The following NPHS2 variants were observed in gnomAD, a reference collection of about 807,000 sequenced individuals.
NPHS2 encodes the protein NPHS2 stomatin family member, podocin.
In NPHS2, 36 loss-of-function variants were observed where a neutral mutation model predicts 37.1. The ratio of observed to expected loss-of-function variants is 0.97; its 90% confidence interval spans 0.74 to 1.28. NPHS2 has a LOEUF of 1.28. Ranked by LOEUF, NPHS2 falls within the 50% of genes most tolerant of loss-of-function variation. The probability of loss-of-function intolerance (pLI) is 0.00; values close to 1 mark genes in which losing one functional copy is unlikely to be tolerated. For synonymous variants in NPHS2, 196 were observed against 189.3 expected (o/e 1.04, Z -0.29); for missense variants, 447 against 488.1 (o/e 0.92, Z 0.79).
rs74315344 is a variant in NPHS2, at chr1:179,575,806, G to A, written c.59C>T (p.Pro20Leu). The change falls in exon 1 of 8, where the codon CCG (proline) becomes CTG (leucine). Residue 20 changes from proline to leucine, a missense_variant. By Grantham distance (98) the Pro-to-Leu change is moderately conservative. Transcript: ENST00000367615. The part of the protein sequence containing the change: ...RESRGRGGRT[P>L]HKENKRAKAE... ...CTTTGCCCTCTTGTTCTCCTTGTGCGGAGTCCTGCCGCCTCGCCCGCGGGA... is the reference window on the plus strand; with the variant it reads ...CTTTGCCCTCTTGTTCTCCTTGTGCAGAGTCCTGCCGCCTCGCCCGCGGGA... 2,707 of 1,477,634 alleles carry A rather than the reference G, an allele frequency of 1.8e-3. 8 individuals carry two copies. Among genetic ancestry groups the A allele is most frequent in the Middle Eastern group, 0.01 (57 of 5,542 alleles). The allele number at this position is 1,477,634 out of a possible 1,614,324, so 91.5% of individuals were successfully genotyped here.
At chr1:179,572,136 C>G (rs1296928373) in intron 1 of NPHS2, among the ~76,000 whole-genome samples, 3 of 152,222 alleles carry the variant, frequency 2.0e-5, no homozygotes, top group Non-Finnish European at 2.9e-5. Context: ...CAGAAATCAC[C>G]TGTCTTCTGT....
At chr1:179,575,453 C>G (rs78169951) in intron 1 of NPHS2, 138 bp downstream of exon 1, 2 of 1,205,462 alleles carry the variant, frequency 1.7e-6, no homozygotes, top group East Asian at 5.0e-5. Context: ...AACTTACGCC[C>G]TTCCGTTCCT....
chr1:179,567,645 G>A (rs936308358), intron 1 of NPHS2, among the ~76,000 whole-genome samples: 1 of 152,186 alleles, frequency 6.6e-6, no homozygotes, highest in African/African-American at 2.4e-5. Context: ...TCTTGTGCTG[G>A]TTTTCAAAGG....
rs1363776277 is a variant in NPHS2 at position 179,575,666 on chromosome 1, C to T, written c.199G>A (p.Val67Met). 3.7e-6 allele frequency: 6 copies of T among 1,602,752 alleles called. No individual in the cohort carries two copies. Among genetic ancestry groups the T allele is most frequent in the African/African-American group, 1.3e-5 (1 of 74,918 alleles). The change falls in exon 1 of 8, where the codon GTG (valine) becomes ATG (methionine). Residue 67 changes from valine to methionine, a missense_variant. By Grantham distance (21) the Val-to-Met change is conservative (BLOSUM62 1). Transcript: ENST00000367615. ...PRAPAATVVD[V>M]DEVRGSGEEG... ...TCGCCGGAGCCTCGGACCTCATCCACGTCCACCACCGTGGCGGCGGGCGCT... is the reference window on the plus strand; with the variant it reads ...TCGCCGGAGCCTCGGACCTCATCCATGTCCACCACCGTGGCGGCGGGCGCT...
rs1553312159 is a variant in NPHS2, at chr1:179,551,190, CTTTCTT to C, written c.1129_1134del (p.Lys377_Lys378del). Reference sequence around the variant, plus strand: ...CATCCTTCCTATAACATGGGAGAGTCTTTCTTTTTAGGATTTAGTGGCTCAACAGGT... The same window carrying C: ...CATCCTTCCTATAACATGGGAGAGTCTTTAGGATTTAGTGGCTCAACAGGT... On this transcript the variant is annotated inframe_deletion, in exon 8 of 8. Transcript: ENST00000367615. 2.5e-6 allele frequency: 4 copies of C among 1,614,026 alleles called. No individual in the cohort carries two copies. The highest frequency in any genetic ancestry group is 2.2e-5 in the South Asian group (2 of 91,072).
Position 179,552,625 on chromosome 1 carries a change from G to T in NPHS2, c.851C>A (p.Ala284Glu). 1 of 1,613,738 alleles carries T rather than the reference G, an allele frequency of 6.2e-7. No individual in the cohort carries two copies. Among genetic ancestry groups the T allele is most frequent in the Non-Finnish European group, 8.5e-7 (1 of 1,179,892 alleles). ...CACCCGCACTTTGGCTTGTCTTTGC[G>T]CTTCAGCCTCCACAGCCAGTGAGTG... ...LQHSLAVEAE[A>E]QRQAKVRMIA... The change falls in exon 7 of 8, where the codon GCG (alanine) becomes GAG (glutamate). Residue 284 changes from alanine (A) to glutamate (E), a missense_variant. Physicochemically the swap from Ala to Glu is moderately radical, Grantham distance 107. Coordinates refer to ENST00000367615, the MANE Select transcript of NPHS2 (RefSeq NM_014625.4).
intron 6 of NPHS2, 73 bp from the exon 7 acceptor site, chr1:179,552,754 C>T (rs752112834): frequency 1.2e-5 from 14 of 1,160,244 alleles, no homozygotes; most frequent in Non-Finnish European, 1.8e-5. Context: ...CACAGACTTG[C>T]AAGCCTCTCT....
At chr1:179,564,444 C>CA (rs1407665667) in intron 2 of NPHS2, among the ~76,000 whole-genome samples, 3 of 152,116 alleles carry the variant, frequency 2.0e-5, no homozygotes, top group Non-Finnish European at 4.4e-5. Flanking sequence ...AGTGTTAGAA[C>CA]AAAGTGAAAG....
chr1:179,564,416 AAT>A (rs1458945678), intron 2 of NPHS2, among the ~76,000 whole-genome samples: 39 of 152,210 alleles, frequency 2.6e-4, no homozygotes, highest in South Asian at 1.9e-3. Flanking sequence ...AGACATAGCC[AAT>A]ATAATACACA....
At chr1:179,569,668 A>T (rs539607730) in intron 1 of NPHS2, among the ~76,000 whole-genome samples, 1 of 152,296 alleles carries the variant, frequency 6.6e-6, no homozygotes, top group African/African-American at 2.4e-5. Flanking sequence ...ATGTTTTTGC[A>T]GTGGCTGGTA....
chr1:179,573,831 A>C (rs1347896910), intron 1 of NPHS2, among the ~76,000 whole-genome samples: 1 of 152,176 alleles, frequency 6.6e-6, no homozygotes, highest in East Asian at 1.9e-4. Context: ...GTGAAGATTT[A>C]CCCCCAAAAT....
intron 7 of NPHS2, chr1:179,552,095 A>C (rs1572259458): frequency 5.9e-6 from 1 of 170,148 alleles, no homozygotes; most frequent in Non-Finnish European, 1.3e-5. Flanking sequence ...CACCTCAGTT[A>C]CCAGAAGCTG....
In NPHS2 at chr1:179,557,217, T is replaced by C. The variant is rs1673967924; in HGVS notation, c.548A>G (p.Asp183Gly). Residue 183 changes from aspartate (D) to glycine (G), a missense_variant, in exon 5 of 8, where the codon GAC (aspartate) becomes GGC (glycine). Transcript: ENST00000367615. ...GGCATCTATCTCCATTATAAACATG[T>C]CTTTGGTCACGATCTAGGCAGAAAA... The part of the protein sequence containing the change: ...EIPFHEIVTK[D>G]MFIMEIDAIC... 6 of 1,613,980 alleles carry C rather than the reference T, an allele frequency of 3.7e-6. No individual in the cohort carries two copies. Among genetic ancestry groups the C allele is most frequent in the South Asian group, 1.1e-5 (1 of 91,080 alleles).
At chr1:179,565,242 C>A (rs1448904007) in intron 1 of NPHS2, among the ~76,000 whole-genome samples, 3 of 152,128 alleles carry the variant, frequency 2.0e-5, no homozygotes, top group Non-Finnish European at 2.9e-5. Flanking sequence ...CCACTGTACT[C>A]CAGCCTGGGT....
In NPHS2 at chr1:179,556,348, T is replaced by G. The variant is rs1215941969; in HGVS notation, c.738+679A>C. On this transcript the variant is annotated intron_variant, in intron 5 of 7. Coordinates refer to ENST00000367615, the MANE Select transcript of NPHS2 (RefSeq NM_014625.4). This position sits in a 1 kb window ranked among gnomAD's most constrained non-coding sequence, Gnocchi z 4.1. ...GGTAATTGCCACTCCATTGGCCAGCTGCCTGGAATCCTGCTGTCTTCTCAC... is the reference window on the plus strand; with the variant it reads ...GGTAATTGCCACTCCATTGGCCAGCGGCCTGGAATCCTGCTGTCTTCTCAC... 6.6e-6 allele frequency among the ~76,000 whole-genome samples: 1 copy of G among 152,224 alleles called. No individual in the cohort carries two copies. The highest frequency in any genetic ancestry group is 1.5e-5 in the Non-Finnish European group (1 of 68,036).
At chr1:179,554,603 C>T in intron 5 of NPHS2, 72 bp from the exon 6 acceptor site, 1 of 1,599,530 alleles carries the variant, frequency 6.3e-7, no homozygotes, top group East Asian at 2.2e-5. Context: ...ACCCTGGTGG[C>T]CATTGTTCTG....
chr1:179,557,435 T>G (rs16854340), intron 4 of NPHS2, among the ~76,000 whole-genome samples: 1 of 152,224 alleles, frequency 6.6e-6, no homozygotes, highest in East Asian at 1.9e-4. Flanking sequence ...AATCCTGTGG[T>G]AAATCCTTTT....
At position 179,575,938 on chromosome 1, in the gene NPHS2, C is replaced by A. The variant is rs1014302312; in HGVS notation, c.-74G>T. 3 of 1,273,864 alleles carry A rather than the reference C, an allele frequency of 2.4e-6. No individual in the cohort carries two copies. The highest frequency in any genetic ancestry group is 2.6e-5 in the South Asian group (1 of 37,984). The allele number at this position is 1,273,864 out of a possible 1,614,324, so 78.9% of individuals were successfully genotyped here. On this transcript the variant is annotated 5_prime_UTR_variant, in exon 1 of 8. Transcript: ENST00000367615. ...CACGGGAGCGCAGTCCCTGTGGAGT[C>A]GCTGCGGGTCCGCGTGGCGTGCCCG... is the stretch of plus-strand genomic sequence containing the variant.
chr1:179,564,925 T>C, intron 1 of NPHS2, 132 bp from the exon 2 acceptor site: 1 of 770,160 alleles, frequency 1.3e-6, no homozygotes, highest in South Asian at 1.6e-5. Flanking sequence ...TTAGAATAAG[T>C]CAAATCAGAG....
Sources: gnomAD v4.1 joint callset for allele counts (sites outside exome capture counted in the v4.1 genomes callset) on GRCh38, gnomAD v4.1.1 for gene constraint, Gnocchi (gnomAD v3.1) non-coding constraint, MANE v1.5 for transcripts, NCBI Gene and HGNC (gene_info 2026-07-23, HGNC 2026-07-21) for gene names.